The following C1orf146 variants were observed in gnomAD, a reference collection of about 807,000 sequenced individuals.
C1orf146 encodes protein SPO16 homolog.
Under a neutral mutation model 23.0 loss-of-function variants are expected in C1orf146, and 22 were observed. That is an observed-to-expected ratio of 0.96 (90% confidence interval 0.68 to 1.36). C1orf146 has a LOEUF of 1.36. Ranked by LOEUF, C1orf146 falls within the 40% of genes most tolerant of loss-of-function variation. The pLI is 0.00. For synonymous variants in C1orf146, 59 were observed against 65.3 expected (o/e 0.90, Z 0.47); for missense variants, 199 against 206.8 (o/e 0.96, Z 0.23).
chr1:92,232,913 G>A (rs369349076), intron 2 of C1orf146, among the ~76,000 whole-genome samples: 4 of 152,134 alleles, frequency 2.6e-5, no homozygotes, highest in African/African-American at 4.8e-5. Flanking sequence ...TCTTCTTTTG[G>A]GAAGTGTCTG....
At chr1:92,244,974 T>C (rs1652553589) in intron 5 of C1orf146, 117 bp downstream of exon 5, 2 of 610,916 alleles carry the variant, frequency 3.3e-6, no homozygotes, top group Non-Finnish European at 5.6e-6. Context: ...CCTGCGGGAG[T>C]TGCTGTTTCA....
intron 1 of C1orf146, among the ~76,000 whole-genome samples, chr1:92,223,545 T>C (rs1651888712): frequency 6.6e-6 from 1 of 152,208 alleles, no homozygotes; most frequent in African/African-American, 2.4e-5. Context: ...TGTTTTGTTT[T>C]GTTTTTTGAG....
At chr1:92,220,664 A>G (rs1473189180) in intron 1 of C1orf146, among the ~76,000 whole-genome samples, 4 of 152,246 alleles carry the variant, frequency 2.6e-5, no homozygotes, top group African/African-American at 9.6e-5. Flanking sequence ...TATGCAATGC[A>G]TGACTGTATC....
At chr1:92,235,999 T>A (rs1652267205) in intron 2 of C1orf146, among the ~76,000 whole-genome samples, 1 of 152,214 alleles carries the variant, frequency 6.6e-6, no homozygotes, top group Non-Finnish European at 1.5e-5. Flanking sequence ...TGAGCCTATG[T>A]GTGTCTCTGC....
intron 1 of C1orf146, among the ~76,000 whole-genome samples, chr1:92,226,112 A>C (rs1651960410): frequency 6.6e-6 from 1 of 152,228 alleles, no homozygotes; most frequent in African/African-American, 2.4e-5. Flanking sequence ...CGTCACCACT[A>C]TTAAGTCTGC....
intron 2 of C1orf146, among the ~76,000 whole-genome samples, chr1:92,236,658 C>T (rs558777004): frequency 6.6e-6 from 1 of 152,220 alleles, no homozygotes; most frequent in African/African-American, 2.4e-5. Flanking sequence ...GTTGGCCTGC[C>T]TTGCTAGATT....
chr1:92,236,182 T>G (rs1171586547), intron 2 of C1orf146, among the ~76,000 whole-genome samples: 3 of 152,138 alleles, frequency 2.0e-5, no homozygotes, highest in Non-Finnish European at 4.4e-5. Flanking sequence ...GCTCGTTAGT[T>G]GATGCAGTTT....
At chr1:92,235,681 C>T (rs1484887263) in intron 2 of C1orf146, among the ~76,000 whole-genome samples, 1 of 152,162 alleles carries the variant, frequency 6.6e-6, no homozygotes, top group East Asian at 1.9e-4. Flanking sequence ...CTTTCTGTCT[C>T]GTTGATCTGT....
intron 1 of C1orf146, among the ~76,000 whole-genome samples, chr1:92,226,012 T>A (rs1307503952): frequency 3.3e-5 from 5 of 152,220 alleles, no homozygotes; most frequent in African/African-American, 1.2e-4. Flanking sequence ...TTTAAAAAAT[T>A]TTTAAATTGA....
intron 1 of C1orf146, among the ~76,000 whole-genome samples, chr1:92,222,846 A>C (rs944396225): frequency 1.5e-4 from 23 of 151,954 alleles, no homozygotes; most frequent in African/African-American, 5.3e-4. Context: ...TCGGCCTCCC[A>C]AAGTGCTGGG....
chr1:92,234,875 C>G (rs1011889925), intron 2 of C1orf146, among the ~76,000 whole-genome samples: 54 of 152,316 alleles, frequency 3.5e-4, no homozygotes, highest in African/African-American at 1.3e-3. Flanking sequence ...TCCATTTATT[C>G]TAGATTTTCT....
At chr1:92,236,622 G>A (rs543663363) in intron 2 of C1orf146, among the ~76,000 whole-genome samples, 11 of 152,098 alleles carry the variant, frequency 7.2e-5, no homozygotes, top group South Asian at 2.1e-4. Flanking sequence ...TCTTTGTGGC[G>A]TTCTCTGTAT....
Position 92,244,284 on chromosome 1 carries a change from A to T in C1orf146, c.228A>T (p.Lys76Asn). ...CAACTGAAGAAATATTTCTAGCCAA[A>T]ATTGAGAAATTTATTAACATTCACC... ...LLSTEEIFLA[K>N]IEKFINIHQN... Residue 76 changes from lysine to asparagine, a missense_variant, in exon 4 of 6, where the codon AAA becomes AAT. Physicochemically the swap from Lys to Asn is moderately conservative, Grantham distance 94 (BLOSUM62 0). Coordinates refer to ENST00000370375, the MANE Select transcript of C1orf146 (RefSeq NM_001012425.2). The T allele has an allele frequency of 6.2e-7, 1 of 1,610,546 alleles. No homozygotes were observed. The highest frequency in any genetic ancestry group is 8.5e-7 in the Non-Finnish European group (1 of 1,177,244).
chr1:92,243,228 CTG>C (rs1652472837), intron 3 of C1orf146, among the ~76,000 whole-genome samples: 1 of 152,252 alleles, frequency 6.6e-6, no homozygotes, highest in African/African-American at 2.4e-5. Flanking sequence ...TTTCCTCAGA[CTG>C]TCTCCCACAT....
chr1:92,224,573 T>C (rs1476867074), intron 1 of C1orf146, among the ~76,000 whole-genome samples: 4 of 152,224 alleles, frequency 2.6e-5, no homozygotes, highest in Non-Finnish European at 4.4e-5. Context: ...GAGTTCATTT[T>C]CTAAAACATA....
chr1:92,237,317 T>C (rs1257289823), intron 2 of C1orf146, among the ~76,000 whole-genome samples: 3 of 152,206 alleles, frequency 2.0e-5, no homozygotes, highest in Non-Finnish European at 1.5e-5. Flanking sequence ...TTAGTTTTCC[T>C]TCTAACAGAC....
At position 92,222,431 on chromosome 1, in the gene C1orf146, A is replaced by C. The variant is rs183101645; in HGVS notation, c.-40+4383A>C. On this transcript the variant is annotated intron_variant, in intron 1 of 5. Coordinates refer to ENST00000370375, the MANE Select transcript of C1orf146 (RefSeq NM_001012425.2). Reference sequence around the variant, plus strand: ...CTGTGATGTTTTGACACATTTATACACCTGTGAAACAATTACTACAATCAA... The same window carrying C: ...CTGTGATGTTTTGACACATTTATACCCCTGTGAAACAATTACTACAATCAA... Among the ~76,000 whole-genome samples the C allele has an allele frequency of 1.1e-4, 16 of 151,482 alleles. No homozygotes were observed. In the East Asian group the frequency reaches 3.1e-3, roughly 30 times the overall value.
At chr1:92,227,280 A>C (rs568974719) in intron 1 of C1orf146, among the ~76,000 whole-genome samples, 4 of 152,068 alleles carry the variant, frequency 2.6e-5, no homozygotes, top group Non-Finnish European at 4.4e-5. Context: ...TGGTGGCTCA[A>C]GCCTGTAATT....
At chr1:92,243,423 T>A (rs1652478410) in intron 3 of C1orf146, among the ~76,000 whole-genome samples, 1 of 151,632 alleles carries the variant, frequency 6.6e-6, no homozygotes, top group Non-Finnish European at 1.5e-5. Flanking sequence ...CTCAGCTCAC[T>A]GCAAGCTCCG....
Sources: allele counts gnomAD v4.1 joint callset (sites outside exome capture counted in the v4.1 genomes callset), GRCh38; gene constraint gnomAD v4.1.1; transcripts MANE v1.5; gene names NCBI Gene and HGNC (gene_info 2026-07-23, HGNC 2026-07-21).